The following CNTNAP2 variants were observed in gnomAD, a reference collection of about 807,000 sequenced individuals.
The protein encoded by CNTNAP2 is contactin associated protein 2.
A neutral mutation model predicts 155.2 loss-of-function variants in CNTNAP2; 98 were observed. That is an observed-to-expected ratio of 0.63 (90% CI 0.54 to 0.75). The LOEUF is 0.75. Ranked by LOEUF, CNTNAP2 falls within the 30% of genes least tolerant of loss-of-function variation. The pLI is 0.00. For synonymous variants in CNTNAP2, 651 were observed against 631.2 expected, an observed-to-expected ratio of 1.03 and a Z score of -0.47; for missense variants, 1,727 against 1,688.1, an observed-to-expected ratio of 1.02 and a Z score of -0.40.
chr7:147,935,294 T>G (rs1272127346), intron 14 of CNTNAP2, among the ~76,000 whole-genome samples: 1 of 152,016 alleles, frequency 6.6e-6, no homozygotes, highest in East Asian at 1.9e-4. Context: ...ACCTGGCTAA[T>G]TTTTGCATTT....
At chr7:148,244,814 CA>C (rs1385468578) in intron 20 of CNTNAP2, among the ~76,000 whole-genome samples, 2 of 152,002 alleles carry the variant, frequency 1.3e-5, no homozygotes, top group African/African-American at 2.4e-5. Context: ...CTGCCCACCT[CA>C]GCTTCCCAAA....
chr7:147,911,899 G>A (rs532532488), intron 14 of CNTNAP2, among the ~76,000 whole-genome samples: 8 of 152,060 alleles, frequency 5.3e-5, no homozygotes, highest in Non-Finnish European at 8.8e-5. Flanking sequence ...TGTGAATAAC[G>A]CTGCTACGAG....
intron 15 of CNTNAP2, among the ~76,000 whole-genome samples, chr7:148,036,598 G>T (rs1585090303): frequency 6.6e-6 from 1 of 151,918 alleles, no homozygotes. Context: ...GGCTCCAAAG[G>T]GACGTTTTCA....
At position 147,016,976 on chromosome 7, in the gene CNTNAP2, C is replaced by T. The variant is rs147212070; in HGVS notation, c.403-26931C>T. 7.0e-3 allele frequency among the ~76,000 whole-genome samples: 1,060 copies of T among 151,070 alleles called. 7 individuals are homozygous for T. Among genetic ancestry groups the T allele is most frequent in the Admixed American group, 0.013 (195 of 15,090 alleles). On this transcript the variant is annotated intron_variant, in intron 3 of 23. Coordinates refer to ENST00000361727, the MANE Select transcript of CNTNAP2 (RefSeq NM_014141.6). ...GAAGAGAGATTGATGATTTGGGATG[C>T]TTGAGAAAAATTTTCCTGCATTTAT...
At chr7:147,177,434 G>C (rs964064677) in intron 8 of CNTNAP2, among the ~76,000 whole-genome samples, 24 of 152,012 alleles carry the variant, frequency 1.6e-4, no homozygotes, top group Non-Finnish European at 3.1e-4. Context: ...CTTCCGCCGT[G>C]ATTCTAAGTT....
chr7:146,628,477 G>C (rs1384062683), intron 1 of CNTNAP2, among the ~76,000 whole-genome samples: 1 of 152,102 alleles, frequency 6.6e-6, no homozygotes, highest in Non-Finnish European at 1.5e-5. Flanking sequence ...CAAATGCTGA[G>C]AGTGGATGTA....
intron 16 of CNTNAP2, among the ~76,000 whole-genome samples, chr7:148,128,940 G>A (rs1336224486): frequency 6.6e-6 from 1 of 152,016 alleles, no homozygotes; most frequent in Non-Finnish European, 1.5e-5. Context: ...TCTCCACATC[G>A]CCTTTCCTCC....
At chr7:148,130,728 A>G (rs950747635) in intron 16 of CNTNAP2, among the ~76,000 whole-genome samples, 2 of 152,152 alleles carry the variant, frequency 1.3e-5, no homozygotes, top group Non-Finnish European at 2.9e-5. Context: ...GGACACCACT[A>G]CAGTTTCCTA....
intron 1 of CNTNAP2, among the ~76,000 whole-genome samples, chr7:146,175,163 A>C (rs1490295723): frequency 1.3e-5 from 2 of 152,218 alleles, no homozygotes; most frequent in Non-Finnish European, 2.9e-5. Context: ...GGTCAGTAGT[A>C]ATAATGGTAA....
chr7:146,655,882 A>G (rs1317786575), intron 1 of CNTNAP2, among the ~76,000 whole-genome samples: 2 of 152,156 alleles, frequency 1.3e-5, no homozygotes, highest in African/African-American at 4.8e-5. Flanking sequence ...TAATGTGACA[A>G]TGGTTTGTGT....
In CNTNAP2 at chr7:148,313,309, C is replaced by T. The variant is rs34251712; in HGVS notation, c.3475+46183C>T. On this transcript the variant is annotated intron_variant, in intron 21 of 23. Coordinates refer to ENST00000361727, the MANE Select transcript of CNTNAP2 (RefSeq NM_014141.6). ...GGGGGCTTCCGAGGTGATCGGGCAG[C>T]GTCCGTCTTCAGCCACTAAGCCAAG... Among the ~76,000 whole-genome samples the T allele has an allele frequency of 2.1e-3, 316 of 150,256 alleles. 2 individuals carry two copies. The highest frequency in any genetic ancestry group is 7.4e-3 in the African/African-American group (304 of 40,968).
chr7:148,171,401 G>C (rs2906289), intron 17 of CNTNAP2, among the ~76,000 whole-genome samples: 95,295 of 152,110 alleles, frequency 0.63, 31,454 homozygotes, highest in African/African-American at 0.84. Context: ...ATTTGAGTTC[G>C]TCCTTTTATA....
chr7:147,329,517 G>A (rs1385485235), intron 9 of CNTNAP2, among the ~76,000 whole-genome samples: 1 of 152,090 alleles, frequency 6.6e-6, no homozygotes, highest in Non-Finnish European at 1.5e-5. Context: ...CAGCTAGTTG[G>A]TGTATTTGTA....
chr7:146,759,715 G>C (rs1802057494), intron 1 of CNTNAP2, among the ~76,000 whole-genome samples: 1 of 140,758 alleles, frequency 7.1e-6, no homozygotes, highest in Admixed American at 7.0e-5. Flanking sequence ...AAAAAAAGGT[G>C]GGTGGGGTGG....
chr7:146,955,463 C>A (rs759053860), intron 3 of CNTNAP2, among the ~76,000 whole-genome samples: 2 of 151,944 alleles, frequency 1.3e-5, no homozygotes, highest in African/African-American at 2.4e-5. Context: ...AAACAAAAAT[C>A]TTTTCTAACC....
chr7:147,046,171 T>C (rs1198085346), intron 4 of CNTNAP2, among the ~76,000 whole-genome samples: 1 of 152,216 alleles, frequency 6.6e-6, no homozygotes. Flanking sequence ...ATCACCGTTC[T>C]GTTTTTAATC....
In CNTNAP2 at chr7:147,319,443, T is replaced by C. The variant is rs550702179; in HGVS notation, c.1498+19153T>C. On this transcript the variant is annotated intron_variant, in intron 9 of 23. Transcript: ENST00000361727. ...CCCAGGCTGGAGTGCAGTGGCATGA[T>C]CTCAGCTCACTGCAACCTCTGCCTC... Among the ~76,000 whole-genome samples, 4 of 152,300 alleles carry C rather than the reference T, an allele frequency of 2.6e-5. No individual in the cohort carries two copies. In the South Asian group the frequency reaches 8.3e-4, roughly 32 times the overall value.
At chr7:146,203,531 A>G (rs181171596) in intron 1 of CNTNAP2, among the ~76,000 whole-genome samples, 64 of 152,228 alleles carry the variant, frequency 4.2e-4, no homozygotes, top group African/African-American at 1.5e-3. Flanking sequence ...GAAGCCCCCA[A>G]GTGTTCGAAT....
In CNTNAP2 at chr7:148,197,056, T is replaced by C. The variant is rs555996653; in HGVS notation, c.3011-20232T>C. Among the ~76,000 whole-genome samples, 10 of 152,326 alleles carry C rather than the reference T, an allele frequency of 6.6e-5. No individual in the cohort carries two copies. In the South Asian group the frequency reaches 2.1e-3, roughly 32 times the overall value. On this transcript the variant is annotated intron_variant, in intron 18 of 23. Transcript: ENST00000361727. ...TTATATACCTTTATATATTCAGTTA[T>C]ACATTTTGTAAATATATTACAGAAT...
Sources: gnomAD v4.1 joint callset for allele counts (sites outside exome capture counted in the v4.1 genomes callset) on GRCh38, gnomAD v4.1.1 for gene constraint, MANE v1.5 for transcripts, NCBI Gene and HGNC (gene_info 2026-07-23, HGNC 2026-07-21) for gene names.